Variants in CALN1 observed in about 807,000 individuals in gnomAD.
CALN1 encodes the protein calcium-binding protein 8.
CALN1 carries 17 observed loss-of-function variants against 30.6 expected under a neutral mutation model. The ratio of observed to expected loss-of-function variants is 0.56; its 90% CI spans 0.38 to 0.83. The LOEUF is 0.83. CALN1 is among the 40% of genes least tolerant of loss of function. The pLI is 0.00. For missense variants in CALN1, 291 were observed against 354.9 expected, an observed-to-expected ratio of 0.82 and a Z score of 1.45; for synonymous variants, 156 against 131.4, an observed-to-expected ratio of 1.19 and a Z score of -1.28.
chr7:72,438,941 A>C (rs1247668299), intron 1 of CALN1, among the ~76,000 whole-genome samples: 1 of 152,256 alleles, frequency 6.6e-6, no homozygotes, highest in Non-Finnish European at 1.5e-5. Flanking sequence ...ACATTCCTTA[A>C]AGGAAACCTC....
intron 5 of CALN1, among the ~76,000 whole-genome samples, chr7:71,896,590 A>G (rs1793543911): frequency 6.6e-6 from 1 of 152,196 alleles, no homozygotes; most frequent in East Asian, 1.9e-4. Context: ...ATTCACAGAC[A>G]GGATAGGAGG....
At chr7:72,044,531 T>A (rs1481893018) in intron 4 of CALN1, among the ~76,000 whole-genome samples, 2 of 146,684 alleles carry the variant, frequency 1.4e-5, no homozygotes, top group South Asian at 2.2e-4. Context: ...GCATCAAACC[T>A]CCCCTTCTAT....
intron 3 of CALN1, among the ~76,000 whole-genome samples, chr7:72,265,906 G>A (rs564620896): frequency 3.3e-5 from 5 of 151,992 alleles, no homozygotes; most frequent in Non-Finnish European, 7.4e-5. Context: ...GGCCAAGGAG[G>A]GAGGATCATT....
At chr7:72,207,968 A>G (rs982012375) in intron 3 of CALN1, among the ~76,000 whole-genome samples, 1 of 152,230 alleles carries the variant, frequency 6.6e-6, no homozygotes, top group African/African-American at 2.4e-5. Flanking sequence ...AAACTCCAGT[A>G]TAACAGACAT....
chr7:72,362,030 T>G (rs1249452549), intron 2 of CALN1, among the ~76,000 whole-genome samples: 3 of 152,192 alleles, frequency 2.0e-5, no homozygotes, highest in Admixed American at 1.3e-4. Context: ...AGAGAAAATT[T>G]CCTCATTATC....
Position 72,300,516 on chromosome 7 carries a change from A to C in CALN1, c.120-21706T>G, listed in dbSNP as rs180980783. On this transcript the variant is annotated intron_variant, in intron 2 of 6. Transcript: ENST00000395275. The stretch of plus-strand genomic sequence containing the variant: ...AGTATGTTGTGGATCAAAGACGCTC[A>C]CTAAAATTTTAATGACATCCAAACA... Among the ~76,000 whole-genome samples the C allele has an allele frequency of 3.0e-3, 461 of 152,364 alleles. 4 individuals are homozygous for C. The highest frequency in any genetic ancestry group is 0.02 in the Middle Eastern group (6 of 294).
intron 3 of CALN1, among the ~76,000 whole-genome samples, chr7:72,217,832 A>ATTTTTTTT (rs35736777): frequency 1.5e-5 from 1 of 67,298 alleles, no homozygotes; most frequent in Non-Finnish European, 2.5e-5. Context: ...AATTAAATAA[A>ATTTTTTTT]TTTTTTTTTT....
chr7:71,998,513 C>T (rs187228880), intron 5 of CALN1, among the ~76,000 whole-genome samples: 52 of 151,740 alleles, frequency 3.4e-4, no homozygotes, highest in Non-Finnish European at 5.1e-4. Flanking sequence ...GGCAAAATGT[C>T]GATACCAGTA....
chr7:72,364,141 A>G (rs531060603), intron 2 of CALN1, among the ~76,000 whole-genome samples: 15 of 152,362 alleles, frequency 9.8e-5, no homozygotes, highest in Middle Eastern at 6.8e-3. Context: ...ACTTGAACAA[A>G]AGAAAACTTC....
chr7:72,336,750 G>A (rs1030148361), intron 2 of CALN1: 3 of 985,254 alleles, frequency 3.0e-6, no homozygotes, highest in Non-Finnish European at 3.6e-6. Context: ...AGGCGCCTCC[G>A]CACAGCGCGG....
intron 3 of CALN1, among the ~76,000 whole-genome samples, chr7:72,164,608 T>G (rs1480845136): frequency 6.6e-6 from 1 of 152,190 alleles, no homozygotes; most frequent in African/African-American, 2.4e-5. Context: ...GACACTGTTT[T>G]AAGCCACTCA....
In CALN1 at chr7:72,033,954, G is replaced by A. The variant is rs186180404; in HGVS notation, c.389-10185C>T. On this transcript the variant is annotated intron_variant, in intron 4 of 6. Coordinates refer to ENST00000395275, the MANE Select transcript of CALN1 (RefSeq NM_031468.4). ...GGAGAAGTCTGGATAAAAGAAAAGG[G>A]CATTTCAGATGGAACTAACGAGACA... 1.3e-3 allele frequency among the ~76,000 whole-genome samples: 192 copies of A among 152,176 alleles called. 1 individual carries two copies. Among genetic ancestry groups the A allele is most frequent in the Admixed American group, 2.4e-3 (37 of 15,270 alleles).
At chr7:72,126,927 AAAG>A (rs2129542586) in intron 3 of CALN1, among the ~76,000 whole-genome samples, 1 of 152,196 alleles carries the variant, frequency 6.6e-6, no homozygotes, top group African/African-American at 2.4e-5. Context: ...AATCACCACT[AAAG>A]AATGTATCCA....
chr7:72,477,348 G>T, the CALN1 span, among the ~76,000 whole-genome samples: 7 of 152,130 alleles, frequency 4.6e-5, no homozygotes, highest in East Asian at 1.9e-4. Context: ...GGCATGTGAG[G>T]CCCCAGTACA....
chr7:72,359,795 G>A (rs573766524), intron 2 of CALN1, among the ~76,000 whole-genome samples: 134 of 151,852 alleles, frequency 8.8e-4, no homozygotes, highest in Non-Finnish European at 1.7e-3. Context: ...TGAACACGGT[G>A]AATCCCCGTC....
chr7:71,799,473 A>G (rs1787177477), intron 6 of CALN1, among the ~76,000 whole-genome samples: 1 of 147,042 alleles, frequency 6.8e-6, no homozygotes, highest in Non-Finnish European at 1.5e-5. Context: ...TTAGTTAGTT[A>G]GTTAGTTTTT....
intron 3 of CALN1, among the ~76,000 whole-genome samples, chr7:72,137,062 G>A (rs1458048573): frequency 6.6e-6 from 1 of 152,220 alleles, no homozygotes; most frequent in Non-Finnish European, 1.5e-5. Flanking sequence ...TTAGGTCAGA[G>A]AGCCCTTCTC....
intron 5 of CALN1, among the ~76,000 whole-genome samples, chr7:71,985,134 G>C (rs1254053288): frequency 6.7e-6 from 1 of 149,076 alleles, no homozygotes; most frequent in Non-Finnish European, 1.5e-5. Context: ...CAAAGACGAT[G>C]AACAGGCAAG....
chr7:72,393,732 G>A (rs1166372477), intron 2 of CALN1, among the ~76,000 whole-genome samples: 3 of 145,094 alleles, frequency 2.1e-5, no homozygotes, highest in African/African-American at 5.1e-5. Context: ...TTAGCTTATT[G>A]ACCATAGAGC....
Sources: gnomAD v4.1 joint callset for allele counts (sites outside exome capture counted in the v4.1 genomes callset) on GRCh38, gnomAD v4.1.1 for gene constraint, MANE v1.5 for transcripts, NCBI Gene and HGNC (gene_info 2026-07-23, HGNC 2026-07-21) for gene names.